Variants in CCSER1 observed in about 807,000 individuals in gnomAD.
The protein encoded by CCSER1 is coiled-coil serine rich protein 1, also known as serine-rich coiled-coil domain-containing protein 1.
A neutral mutation model predicts 82.0 loss-of-function variants in CCSER1; 41 were observed. The observed-to-expected ratio is 0.50, with a 90% CI of 0.39 to 0.65. The LOEUF (loss-of-function observed/expected upper bound fraction) is 0.65, where lower values mean the gene tolerates loss of function less well. Among genes scored for constraint, CCSER1 ranks in the 30% least tolerant of loss-of-function variants. The pLI is 0.00. For missense variants in CCSER1, 1,119 were observed against 1,064.2 expected (o/e 1.05, Z -0.72); for synonymous variants, 414 against 383.9 (o/e 1.08, Z -0.92).
intron 9 of CCSER1, among the ~76,000 whole-genome samples, chr4:91,083,750 G>A (rs774774462): frequency 3.9e-5 from 6 of 152,024 alleles, no homozygotes; most frequent in African/African-American, 7.2e-5. Flanking sequence ...AAGCAGATAA[G>A]ACACTGCAGA....
chr4:90,979,542 T>C (rs1735919121), intron 9 of CCSER1, among the ~76,000 whole-genome samples: 1 of 151,822 alleles, frequency 6.6e-6, no homozygotes, highest in South Asian at 2.1e-4. Flanking sequence ...ACTGATGATC[T>C]AATATGAGCT....
At chr4:91,420,566 G>T (rs960736707) in intron 10 of CCSER1, among the ~76,000 whole-genome samples, 2 of 152,084 alleles carry the variant, frequency 1.3e-5, no homozygotes, top group African/African-American at 4.8e-5. Flanking sequence ...CTCTGGAGAA[G>T]CAGGGAACCC....
chr4:91,541,380 C>A (rs1761588455), intron 10 of CCSER1, among the ~76,000 whole-genome samples: 1 of 152,178 alleles, frequency 6.6e-6, no homozygotes, highest in South Asian at 2.1e-4. Context: ...CCTCTCCCCT[C>A]CCTGCACACC....
At chr4:91,060,416 T>C (rs2148734144) in intron 9 of CCSER1, among the ~76,000 whole-genome samples, 1 of 152,176 alleles carries the variant, frequency 6.6e-6, no homozygotes, top group South Asian at 2.1e-4. Context: ...GGTAATTTAA[T>C]GAGCAATATA....
At chr4:90,362,038 G>A (rs1578115651) in intron 3 of CCSER1, among the ~76,000 whole-genome samples, 1 of 152,282 alleles carries the variant, frequency 6.6e-6, no homozygotes, top group East Asian at 1.9e-4. Flanking sequence ...AAGATTCTGA[G>A]TCTCAAGCTC....
chr4:90,842,296 TAGAC>T (rs1476209205), intron 8 of CCSER1, among the ~76,000 whole-genome samples: 1 of 152,224 alleles, frequency 6.6e-6, no homozygotes, highest in Non-Finnish European at 1.5e-5. Flanking sequence ...AAGAACAAGT[TAGAC>T]AGAAAGTGGT....
intron 3 of CCSER1, among the ~76,000 whole-genome samples, chr4:90,363,608 G>A (rs1405852900): frequency 1.3e-5 from 2 of 149,962 alleles, no homozygotes. Context: ...AGGGCAGAAA[G>A]AAAAAAAAAA....
At chr4:90,225,225 C>T (rs987351415) in intron 1 of CCSER1, among the ~76,000 whole-genome samples, 9 of 119,016 alleles carry the variant, frequency 7.6e-5, no homozygotes, top group Non-Finnish European at 1.1e-4. Context: ...CCAGCATACC[C>T]GGCTAATTTT....
At chr4:90,915,641 C>A (rs1727249251) in intron 8 of CCSER1, among the ~76,000 whole-genome samples, 1 of 152,088 alleles carries the variant, frequency 6.6e-6, no homozygotes, top group African/African-American at 2.4e-5. Flanking sequence ...TCCTATTCAA[C>A]ATAGTGTTGG....
At chr4:90,497,629 G>C (rs1383094395) in intron 5 of CCSER1, among the ~76,000 whole-genome samples, 1 of 152,094 alleles carries the variant, frequency 6.6e-6, no homozygotes. Context: ...CATATGTAAC[G>C]TGATAATAAC....
chr4:90,373,681 T>C (rs913061579), intron 3 of CCSER1, among the ~76,000 whole-genome samples: 1 of 152,186 alleles, frequency 6.6e-6, no homozygotes, highest in East Asian at 1.9e-4. Flanking sequence ...TTCTAGGTCT[T>C]TCATGGGAGA....
chr4:90,666,684 A>G (rs969170727), intron 6 of CCSER1, among the ~76,000 whole-genome samples: 3 of 152,200 alleles, frequency 2.0e-5, no homozygotes, highest in South Asian at 2.1e-4. Context: ...GACAGAACTC[A>G]GTGGAATCCT....
intron 10 of CCSER1, among the ~76,000 whole-genome samples, chr4:91,102,259 A>G (rs1725143935): frequency 6.6e-6 from 1 of 150,884 alleles, no homozygotes; most frequent in Admixed American, 6.6e-5. Flanking sequence ...TCTAAATGGG[A>G]AAATTAAGGG....
intron 4 of CCSER1, among the ~76,000 whole-genome samples, chr4:90,459,431 G>C (rs1224536023): frequency 1.3e-5 from 2 of 152,018 alleles, no homozygotes; most frequent in Non-Finnish European, 2.9e-5. Flanking sequence ...TAGTTTGCTA[G>C]GGCTGGCATA....
chr4:91,230,708 A>C (rs574784390), intron 10 of CCSER1, among the ~76,000 whole-genome samples: 1 of 152,052 alleles, frequency 6.6e-6, no homozygotes, highest in Non-Finnish European at 1.5e-5. Context: ...TATTATTCAA[A>C]ATTTAAAATA....
At chr4:91,371,634 A>G (rs1359455802) in intron 10 of CCSER1, among the ~76,000 whole-genome samples, 2 of 151,258 alleles carry the variant, frequency 1.3e-5, no homozygotes, top group Non-Finnish European at 2.9e-5. Flanking sequence ...GCTTCAATAA[A>G]CTTCAGAGTG....
At chr4:90,133,203 T>C (rs986426542) in intron 1 of CCSER1, among the ~76,000 whole-genome samples, 1 of 152,240 alleles carries the variant, frequency 6.6e-6, no homozygotes, top group Non-Finnish European at 1.5e-5. Flanking sequence ...ATATTCAGTT[T>C]TGGAAAATAT....
chr4:91,427,813 A>C (rs1754079310), intron 10 of CCSER1, among the ~76,000 whole-genome samples: 1 of 152,124 alleles, frequency 6.6e-6, no homozygotes, highest in Admixed American at 6.6e-5. Flanking sequence ...AATTTAAAAT[A>C]ACTGACATGG....
chr4:91,127,164 T>G (rs1188135564), intron 10 of CCSER1, among the ~76,000 whole-genome samples: 1 of 152,028 alleles, frequency 6.6e-6, no homozygotes, highest in Admixed American at 6.6e-5. Context: ...CTTTAGAATT[T>G]GAATCTGTAA....
Sources: gnomAD v4.1 joint callset for allele counts (sites outside exome capture counted in the v4.1 genomes callset) on GRCh38, gnomAD v4.1.1 for gene constraint, MANE v1.5 for transcripts, NCBI Gene and HGNC (gene_info 2026-07-23, HGNC 2026-07-21) for gene names.